The following SLC9A8 variants were observed in gnomAD, a reference collection of about 807,000 sequenced individuals.
SLC9A8 encodes sodium/hydrogen exchanger 8.
Under a neutral mutation model 66.6 loss-of-function variants are expected in SLC9A8, and 48 were observed. The observed-to-expected ratio is 0.72, with a 90% CI of 0.57 to 0.92. The LOEUF (loss-of-function observed/expected upper bound fraction) is 0.92. SLC9A8 is among the 40% of genes least tolerant of loss of function. The pLI, the probability that SLC9A8 is intolerant of heterozygous loss-of-function variation, is 0.00. For synonymous variants in SLC9A8, 274 were observed against 282.6 expected, an observed-to-expected ratio of 0.97 and a Z score of 0.31; for missense variants, 599 against 747.3, an observed-to-expected ratio of 0.80 and a Z score of 2.31.
rs138152752 is a variant in SLC9A8, at chr20:49,887,915, C to T, written c.1725C>T (p.Asp575=). The change falls in exon 16 of 16, where the codon GAC becomes GAT. Residue 575 remains aspartate (D), a synonymous_variant. Coordinates refer to ENST00000361573, the MANE Select transcript of SLC9A8 (RefSeq NM_015266.3). ...EVRQGPSGSE[D]DEQELL ...GCCAGGGCCCCTCCGGCTCCGAGGA[C>T]GACGAGCAGGAGCTGCTCTGACGCC... 4.5e-5 allele frequency: 72 copies of T among 1,613,628 alleles called. No individual in the cohort carries two copies. The highest frequency in any genetic ancestry group is 9.3e-5 in the African/African-American group (7 of 74,942).
intron 2 of SLC9A8, among the ~76,000 whole-genome samples, chr20:49,820,154 C>T (rs143635854): frequency 8.5e-5 from 13 of 152,092 alleles, no homozygotes; most frequent in African/African-American, 1.4e-4. Flanking sequence ...ACAAGGGTTC[C>T]GGTTTCTCCA....
At position 49,890,825 on chromosome 20, in the gene SLC9A8, G is replaced by A. The variant is rs75496142; in HGVS notation, c.*2889G>A. 2 of 152,290 alleles carry A rather than the reference G, an allele frequency of 1.3e-5. No homozygotes were observed. Among genetic ancestry groups the A allele is most frequent in the African/African-American group, 4.8e-5 (2 of 41,460 alleles). 9.4% of individuals were successfully genotyped at this position (152,290 alleles called of 1,614,324 possible). The stretch of plus-strand genomic sequence containing the variant: ...AGCCAGCCACCCCTCTTCACAGTGG[G>A]TGAGCTGGGCTGGGCTGGCTGGCAT... On this transcript the variant is annotated 3_prime_UTR_variant, in exon 16 of 16. Coordinates refer to ENST00000361573, the MANE Select transcript of SLC9A8 (RefSeq NM_015266.3).
At chr20:49,822,180 A>C (rs2086763511) in intron 2 of SLC9A8, among the ~76,000 whole-genome samples, 1 of 152,218 alleles carries the variant, frequency 6.6e-6, no homozygotes, top group South Asian at 2.1e-4. Context: ...AGCTGCACCC[A>C]GCTGGGGAGC....
chr20:49,842,480 A>C (rs2146574761), intron 4 of SLC9A8, among the ~76,000 whole-genome samples: 1 of 152,340 alleles, frequency 6.6e-6, no homozygotes, highest in South Asian at 2.1e-4. Context: ...ATCAGAGGTC[A>C]AGTCTGCTCT....
Position 49,830,132 on chromosome 20 carries a change from A to C in SLC9A8, c.289+6991A>C, listed in dbSNP as rs971064830. On this transcript the variant is annotated intron_variant, in intron 3 of 15. Transcript: ENST00000361573. ...AAGCCATCTCTGTCTGTTACCAGGC[A>C]ATCACAAAGAAGTTGAAAATATGTG... 4 of 744,158 alleles carry C rather than the reference A, an allele frequency of 5.4e-6. No individual in the cohort carries two copies. In the East Asian group the frequency reaches 1.1e-4, roughly 20 times the overall value. The allele number at this position is 744,158 out of a possible 1,614,324, so 46.1% of individuals were successfully genotyped here.
rs6125801 is a variant in SLC9A8, at chr20:49,866,609, G to A, written c.958+1765G>A. Among the ~76,000 whole-genome samples the A allele has an allele frequency of 0.023, 3,474 of 152,166 alleles. 389 individuals are homozygous for A. In the East Asian group the frequency reaches 0.35, roughly 15 times the overall value. On this transcript the variant is annotated intron_variant, in intron 10 of 15. Transcript: ENST00000361573. ...CTTTGGTGTGGTTATTTTTATATTCGCCTTGGGTTCATTGAGTTTTTTGGG... is the reference window on the plus strand; with the variant it reads ...CTTTGGTGTGGTTATTTTTATATTCACCTTGGGTTCATTGAGTTTTTTGGG...
intron 2 of SLC9A8, among the ~76,000 whole-genome samples, chr20:49,821,070 C>T (rs549935994): frequency 6.6e-6 from 1 of 152,060 alleles, no homozygotes; most frequent in African/African-American, 2.4e-5. Context: ...ATTTTCTCCC[C>T]TTCTATGGAT....
chr20:49,884,340 C>A (rs868049985), intron 14 of SLC9A8, among the ~76,000 whole-genome samples: 44 of 59,018 alleles, frequency 7.5e-4, no homozygotes, highest in South Asian at 1.9e-3. Context: ...ACACACACCC[C>A]CCGGTCATCC....
At chr20:49,816,928 T>C (rs6095675) in intron 2 of SLC9A8, among the ~76,000 whole-genome samples, 13,121 of 151,848 alleles carry the variant, frequency 0.086, 676 homozygotes, top group Middle Eastern at 0.13. Flanking sequence ...TGGCATTTCA[T>C]TCTGTTGGCC....
intron 2 of SLC9A8, among the ~76,000 whole-genome samples, chr20:49,816,488 T>C (rs2086553868): frequency 6.6e-6 from 1 of 151,862 alleles, no homozygotes. Context: ...TGTGAGGAAA[T>C]TTCAGCATAG....
intron 2 of SLC9A8, among the ~76,000 whole-genome samples, chr20:49,822,418 A>G (rs746628369): frequency 1.3e-5 from 2 of 152,248 alleles, no homozygotes. Flanking sequence ...AAAAAGTTGA[A>G]GACCATTTCT....
intron 3 of SLC9A8, among the ~76,000 whole-genome samples, chr20:49,826,479 T>C (rs1229359106): frequency 6.6e-6 from 1 of 152,228 alleles, no homozygotes; most frequent in Non-Finnish European, 1.5e-5. Flanking sequence ...GAGACATTAC[T>C]GGTCTTTTGC....
rs115459092 is a variant in SLC9A8, at chr20:49,836,781, A to G, written c.290-2760A>G. Among the ~76,000 whole-genome samples the G allele has an allele frequency of 1.7e-3, 266 of 152,298 alleles. 1 individual carries two copies. Among genetic ancestry groups the G allele is most frequent in the African/African-American group, 5.8e-3 (240 of 41,566 alleles). The stretch of plus-strand genomic sequence containing the variant: ...AACTGTTTTCCATGGTGGTTGCCCC[A>G]TTTTACATTCCCATCAGCAATGAGT... On this transcript the variant is annotated intron_variant, in intron 3 of 15. Coordinates refer to ENST00000361573, the MANE Select transcript of SLC9A8 (RefSeq NM_015266.3).
intron 7 of SLC9A8, 57 bp downstream of exon 7, chr20:49,850,901 T>C: frequency 7.5e-7 from 1 of 1,328,354 alleles, no homozygotes; most frequent in South Asian, 1.3e-5. Flanking sequence ...GGGAAATGTT[T>C]CTCCACATTG....
At chr20:49,853,223 A>T (rs779698796) in intron 7 of SLC9A8, among the ~76,000 whole-genome samples, 1 of 152,218 alleles carries the variant, frequency 6.6e-6, no homozygotes, top group Admixed American at 6.5e-5. Context: ...AGCTCGCTGT[A>T]GCCTCAAACT....
chr20:49,862,269 T>C (rs2088774001), intron 8 of SLC9A8, among the ~76,000 whole-genome samples: 1 of 152,088 alleles, frequency 6.6e-6, no homozygotes, highest in African/African-American at 2.4e-5. Context: ...TTTTTTATTT[T>C]TTATTTTTTT....
intron 3 of SLC9A8, chr20:49,830,431 CG>C: frequency 1.2e-6 from 1 of 833,530 alleles, no homozygotes; most frequent in Non-Finnish European, 2.1e-6. Flanking sequence ...GATCCCAAGG[CG>C]GCCAAGGACC....
At chr20:49,826,854 G>A (rs955004552) in intron 3 of SLC9A8, among the ~76,000 whole-genome samples, 2 of 152,020 alleles carry the variant, frequency 1.3e-5, no homozygotes, top group African/African-American at 2.4e-5. Flanking sequence ...AGACATGTCC[G>A]TATGTATTAG....
Position 49,886,987 on chromosome 20 carries a change from G to T in SLC9A8, c.1638+89G>T. 6.9e-7 allele frequency: 1 copy of T among 1,451,174 alleles called. No homozygotes were observed. Among genetic ancestry groups the T allele is most frequent in the Non-Finnish European group, 9.3e-7 (1 of 1,071,048 alleles). The allele number at this position is 1,451,174 out of a possible 1,614,324, so 89.9% of individuals were successfully genotyped here. The stretch of plus-strand genomic sequence containing the variant: ...TGGCCCAGGGTGGGGTGGAGGAAGA[G>T]TGGGGAGGCAGGAAAGCTCACGTGG... On this transcript the variant is annotated intron_variant, in intron 15 of 15. Coordinates refer to ENST00000361573, the MANE Select transcript of SLC9A8 (RefSeq NM_015266.3). This position sits in a 1 kb window ranked among gnomAD's most constrained non-coding sequence, Gnocchi z 4.8.
Sources: allele counts gnomAD v4.1 joint callset (sites outside exome capture counted in the v4.1 genomes callset), GRCh38; gene constraint gnomAD v4.1.1; non-coding constraint Gnocchi (gnomAD v3.1); transcripts MANE v1.5; gene names NCBI Gene and HGNC (gene_info 2026-07-23, HGNC 2026-07-21).